ZMPSTE24: variants seen among roughly 807,000 people sequenced by gnomAD.
ZMPSTE24 encodes the protein zinc metallopeptidase STE24.
A neutral mutation model predicts 56.7 loss-of-function variants in ZMPSTE24; 48 were observed. The ratio of observed to expected loss-of-function variants is 0.85; its 90% CI spans 0.67 to 1.08. The LOEUF (loss-of-function observed/expected upper bound fraction) is 1.08. Among genes scored for constraint, ZMPSTE24 ranks in the 50% least tolerant of loss-of-function variants. The pLI, the probability that ZMPSTE24 is intolerant of heterozygous loss-of-function variation, is 0.00. For synonymous variants in ZMPSTE24, 172 were observed against 195.2 expected, an observed-to-expected ratio of 0.88 and a Z score of 0.99; for missense variants, 503 against 548.7, an observed-to-expected ratio of 0.92 and a Z score of 0.83.
intron 7 of ZMPSTE24, among the ~76,000 whole-genome samples, chr1:40,284,969 A>T (rs1428233087): frequency 6.1e-5 from 8 of 130,550 alleles, no homozygotes; most frequent in Admixed American, 1.7e-4. Flanking sequence ...TTTTTCACCT[A>T]GGTTGGAGTA....
intron 6 of ZMPSTE24, among the ~76,000 whole-genome samples, chr1:40,280,634 C>T (rs1354062042): frequency 6.6e-6 from 1 of 152,100 alleles, no homozygotes; most frequent in Non-Finnish European, 1.5e-5. Context: ...CCATGTTGGC[C>T]AGGCTGGTCA....
At chr1:40,276,470 AG>A (rs1329966189) in intron 6 of ZMPSTE24, among the ~76,000 whole-genome samples, 7 of 152,264 alleles carry the variant, frequency 4.6e-5, no homozygotes, top group Non-Finnish European at 8.8e-5. Flanking sequence ...TCGTGTTTTA[AG>A]GAGAAAGTGG....
Position 40,290,561 on chromosome 1 carries a change from C to T in ZMPSTE24, c.1060-293C>T, listed in dbSNP as rs61779111. 4.2e-3 allele frequency: 1,285 copies of T among 306,364 alleles called. 26 individuals carry two copies. The highest frequency in any genetic ancestry group is 0.035 in the East Asian group (380 of 10,830). The allele number at this position is 306,364 out of a possible 1,614,324, so 19.0% of individuals were successfully genotyped here. On this transcript the variant is annotated intron_variant, in intron 8 of 9. Coordinates refer to ENST00000372759, the MANE Select transcript of ZMPSTE24 (RefSeq NM_005857.5). ...CTGCAAGCTCCGCCTCCCGGGTTCA[C>T]GCCATTCTCCTGCCTCAGCCTCCCG...
intron 2 of ZMPSTE24, chr1:40,262,779 T>TG (rs1405365718): frequency 8.6e-7 from 1 of 1,167,274 alleles, no homozygotes; most frequent in East Asian, 8.7e-5. Flanking sequence ...AGTTGATGTC[T>TG]GACGGCTGAG....
chr1:40,268,086 G>A (rs775173296), intron 3 of ZMPSTE24, among the ~76,000 whole-genome samples: 7 of 152,160 alleles, frequency 4.6e-5, no homozygotes, highest in African/African-American at 1.4e-4. Flanking sequence ...TCTCAATCAC[G>A]TAATAGTCCA....
chr1:40,267,992 C>A, intron 3 of ZMPSTE24, 120 bp downstream of exon 3: 1 of 829,606 alleles, frequency 1.2e-6, no homozygotes, highest in East Asian at 2.5e-5. Context: ...TTGCATAGTC[C>A]TTGGTTACCC....
chr1:40,273,537 A>AATAT (rs71577619), intron 6 of ZMPSTE24, among the ~76,000 whole-genome samples: 127 of 12,372 alleles, frequency 0.01, 9 homozygotes, highest in Non-Finnish European at 0.015. Context: ...AAAAAAAAAA[A>AATAT]ATATATATAT....
chr1:40,271,547 C>T (rs1019316463), intron 5 of ZMPSTE24, among the ~76,000 whole-genome samples: 4 of 152,056 alleles, frequency 2.6e-5, no homozygotes, highest in Non-Finnish European at 5.9e-5. Flanking sequence ...GGTAGAACTG[C>T]GTGTTATGAT....
intron 2 of ZMPSTE24, among the ~76,000 whole-genome samples, chr1:40,261,702 T>TTTTTG (rs1454562629): frequency 1.3e-5 from 2 of 152,212 alleles, no homozygotes; most frequent in South Asian, 4.1e-4. Context: ...TTTGTTGCTT[T>TTTTTG]TTTTGTTTTG....
chr1:40,260,016 C>T (rs1031595136), intron 1 of ZMPSTE24, among the ~76,000 whole-genome samples: 2 of 144,050 alleles, frequency 1.4e-5, no homozygotes, highest in Non-Finnish European at 3.0e-5. Context: ...TTACCCTTAC[C>T]TTTTATAATT....
Position 40,271,926 on chromosome 1 carries a change from C to T in ZMPSTE24, c.660C>T (p.Ala220=), listed in dbSNP as rs1396823059. 2.5e-6 allele frequency: 4 copies of T among 1,613,242 alleles called. No homozygotes were observed. The highest frequency in any genetic ancestry group is 3.4e-6 in the Non-Finnish European group (4 of 1,179,650). The change falls in exon 6 of 10, where the codon GCC becomes GCT. Residue 220 remains alanine, a synonymous_variant. Transcript: ENST00000372759. ...TCACAATCTATGCTGATTATATTGCCCCTTTATTTGACAAATTCACACCTC... is the reference window on the plus strand; with the variant it reads ...TCACAATCTATGCTGATTATATTGCTCCTTTATTTGACAAATTCACACCTC... ...VLVTIYADYI[A]PLFDKFTPLP... is the part of the protein sequence containing the mutation.
chr1:40,291,839 CTT>C (rs769515049), intron 9 of ZMPSTE24, among the ~76,000 whole-genome samples: 6,193 of 132,770 alleles, frequency 0.047, 421 homozygotes, highest in African/African-American at 0.16. Context: ...TCTTAAAACT[CTT>C]TTTTTTTTTT....
intron 7 of ZMPSTE24, among the ~76,000 whole-genome samples, chr1:40,284,770 T>C (rs1273717793): frequency 1.3e-5 from 2 of 152,112 alleles, no homozygotes; most frequent in African/African-American, 2.4e-5. Flanking sequence ...TAATAATAAC[T>C]ACTGTTAACA....
intron 9 of ZMPSTE24, 118 bp from the exon 10 acceptor site, chr1:40,292,326 CT>C (rs1643851500): frequency 1.1e-6 from 1 of 932,668 alleles, no homozygotes; most frequent in African/African-American, 1.6e-5. Context: ...AGTGATCTTT[CT>C]TTTGTCCTGC....
chr1:40,262,455 G>A (rs1643506386), intron 2 of ZMPSTE24, among the ~76,000 whole-genome samples: 1 of 151,916 alleles, frequency 6.6e-6, no homozygotes, highest in Non-Finnish European at 1.5e-5. Flanking sequence ...TTCTGTTAGG[G>A]ACATGTCACA....
At position 40,292,514 on chromosome 1, in the gene ZMPSTE24, C is replaced by G. The variant is rs1286306288; in HGVS notation, c.1273C>G (p.Leu425Val). Residue 425 changes from leucine to valine, a missense_variant, in exon 10 of 10, where the codon CTT (leucine) becomes GTT (valine). Physicochemically the swap from Leu to Val is conservative, Grantham distance 32. Coordinates refer to ENST00000372759, the MANE Select transcript of ZMPSTE24 (RefSeq NM_005857.5). ...EFQADAFAKK[L>V]GKAKDLYSAL... Reference sequence around the variant, plus strand: ...TCAAGCTGATGCATTTGCCAAGAAACTTGGGAAGGCTAAAGACTTATATTC... The same window carrying G: ...TCAAGCTGATGCATTTGCCAAGAAAGTTGGGAAGGCTAAAGACTTATATTC... The G allele has an allele frequency of 6.2e-7, 1 of 1,614,000 alleles. No individual in the cohort carries two copies. The highest frequency in any genetic ancestry group is 1.3e-5 in the African/African-American group (1 of 74,906).
intron 4 of ZMPSTE24, among the ~76,000 whole-genome samples, chr1:40,269,606 A>C (rs1643592656): frequency 1.3e-5 from 2 of 151,948 alleles, no homozygotes; most frequent in Non-Finnish European, 2.9e-5. Context: ...ACTATAGATG[A>C]ATTATACTAC....
At chr1:40,269,599 A>G (rs1329247150) in intron 4 of ZMPSTE24, among the ~76,000 whole-genome samples, 1 of 152,036 alleles carries the variant, frequency 6.6e-6, no homozygotes, top group Non-Finnish European at 1.5e-5. Flanking sequence ...ATCTGGGACT[A>G]TAGATGAATT....
intron 1 of ZMPSTE24, among the ~76,000 whole-genome samples, chr1:40,260,080 A>G (rs1390228693): frequency 1.5e-4 from 7 of 46,844 alleles, no homozygotes. Context: ...TTTTTTTTTT[A>G]AGGAGATAGA....
Sources: allele counts gnomAD v4.1 joint callset (sites outside exome capture counted in the v4.1 genomes callset), GRCh38; gene constraint gnomAD v4.1.1; transcripts MANE v1.5; gene names NCBI Gene and HGNC (gene_info 2026-07-23, HGNC 2026-07-21).